Variants in RGPD1 observed in about 807,000 individuals in gnomAD.
RGPD1 encodes the protein RANBP2 like and GRIP domain containing 1, also known as RANBP2-like and GRIP domain-containing protein 1.
In RGPD1, 7 loss-of-function variants were observed where a neutral mutation model predicts 40.6. That is an observed-to-expected ratio of 0.17 (90% CI 0.10 to 0.32). The LOEUF is 0.32. RGPD1 is among the 10% of genes least tolerant of loss of function. RGPD1 has a pLI of 1.00. For synonymous variants in RGPD1, 24 were observed against 167.0 expected, an observed-to-expected ratio of 0.14 and a Z score of 6.60; for missense variants, 50 against 472.5, an observed-to-expected ratio of 0.11 and a Z score of 8.29.
At chr2:86,993,221 G>A (rs2674181) in intron 20 of RGPD1, among the ~76,000 whole-genome samples, 6 of 151,824 alleles carry the variant, frequency 4.0e-5, no homozygotes, top group Admixed American at 1.3e-4. Context: ...CAGACCTCCC[G>A]CTTCTAGACA....
intron 22 of RGPD1, among the ~76,000 whole-genome samples, chr2:87,008,989 T>A (rs1399471740): frequency 1.3e-5 from 2 of 148,720 alleles, no homozygotes; most frequent in Admixed American, 1.3e-4. Context: ...GGAGACTTTT[T>A]GGAAATACCA....
chr2:86,997,126 A>G (rs971984709), intron 21 of RGPD1, among the ~76,000 whole-genome samples: 3 of 148,896 alleles, frequency 2.0e-5, no homozygotes, highest in African/African-American at 7.7e-5. Context: ...GGACTGACTC[A>G]TTTCCACCTC....
chr2:86,927,107 T>A (rs1678566588), intron 1 of RGPD1, among the ~76,000 whole-genome samples: 1 of 152,166 alleles, frequency 6.6e-6, no homozygotes, highest in Non-Finnish European at 1.5e-5. Context: ...CCCACTTAAA[T>A]CAGTTTTAAT....
rs570295356 is a variant in RGPD1 at position 86,943,050 on chromosome 2, C to A, written c.72+742C>A. 3.8e-3 allele frequency among the ~76,000 whole-genome samples: 573 copies of A among 149,188 alleles called. 4 individuals are homozygous for A. The highest frequency in any genetic ancestry group is 0.013 in the African/African-American group (526 of 39,614). On this transcript the variant is annotated intron_variant, in intron 1 of 22. Transcript: ENST00000641458. ...TCCTGGACATTTACTTTATATGCTG[C>A]GGCGGAGGTCGTACCTCCTTGGCCT...
intron 17 of RGPD1, among the ~76,000 whole-genome samples, chr2:86,978,201 CAG>C (rs1681353795): frequency 1.0e-5 from 1 of 98,856 alleles, no homozygotes; most frequent in Non-Finnish European, 2.0e-5. Context: ...GCCAGGACTA[CAG>C]AGAGTCACAC....
intron 1 of RGPD1, among the ~76,000 whole-genome samples, chr2:86,944,618 G>A (rs1230877501): frequency 6.6e-6 from 1 of 152,066 alleles, no homozygotes; most frequent in Admixed American, 6.5e-5. Flanking sequence ...TCACCATGTT[G>A]CCCAGGCTGT....
rs1209758378 is a variant in RGPD1 at position 86,914,042 on chromosome 2, C to CCTGGCCG, written c.72+121_72+122insCTGGCCG. The CCTGGCCG allele has an allele frequency of 4.2e-5, 2 of 47,936 alleles. 1 individual carries two copies. Among genetic ancestry groups the CCTGGCCG allele is most frequent in the African/African-American group, 1.3e-4 (2 of 15,852 alleles). The allele number at this position is 47,936 out of a possible 1,614,324, so 3.0% of individuals were successfully genotyped here. A position where few individuals can be genotyped will look rare whatever the true frequency, so the allele number is the denominator to read the frequency against. On this transcript the variant is annotated intron_variant, in intron 1 of 22. Coordinates refer to the RGPD1 transcript ENST00000398193. Reference sequence around the variant, plus strand: ...CGGGCGGCGGCGGCGGCGGCGGCGGCGGCGGCGGCGGCGGCCTCGGCCTCG... The same window carrying CCTGGCCG: ...CGGGCGGCGGCGGCGGCGGCGGCGGCCTGGCCGGGCGGCGGCGGCGGCCTCGGCCTCG...
At chr2:86,929,388 C>T (rs192439824) in intron 1 of RGPD1, among the ~76,000 whole-genome samples, 7 of 152,108 alleles carry the variant, frequency 4.6e-5, no homozygotes, top group East Asian at 1.9e-4. Context: ...AACACAGTGG[C>T]CCTGCTTCAG....
chr2:86,932,265 A>G (rs1679046287), intron 1 of RGPD1, among the ~76,000 whole-genome samples: 1 of 99,694 alleles, frequency 1.0e-5, no homozygotes, highest in African/African-American at 3.9e-5. Flanking sequence ...TTAGTTAATT[A>G]AAAATTCATC....
chr2:86,918,383 G>C (rs1677877177), intron 1 of RGPD1, among the ~76,000 whole-genome samples: 1 of 145,664 alleles, frequency 6.9e-6, no homozygotes, highest in Non-Finnish European at 1.5e-5. Flanking sequence ...AATCACTCTA[G>C]ACTATAATTA....
At chr2:86,923,414 C>G (rs1678190099) in intron 1 of RGPD1, among the ~76,000 whole-genome samples, 1 of 151,482 alleles carries the variant, frequency 6.6e-6, no homozygotes, top group Non-Finnish European at 1.5e-5. Flanking sequence ...TGAAATACAT[C>G]TTGAGTTTAC....
rs1267089849 is a variant in RGPD1, at chr2:86,960,636, C to T, written c.779+2209C>T. 4.7e-5 allele frequency among the ~76,000 whole-genome samples: 6 copies of T among 126,768 alleles called. 2 individuals carry two copies. Among genetic ancestry groups the T allele is most frequent in the African/African-American group, 2.4e-4 (6 of 25,520 alleles). The allele number at this position is 126,768 out of a possible 152,430, so 83.2% of individuals were successfully genotyped here. ...ACGGAGTCTCGCTCTGTTGCCCAGG[C>T]TGGAGTGCAGTGGTGCCATCTCGGC... On this transcript the variant is annotated intron_variant, in intron 6 of 22. Transcript: ENST00000641458.
chr2:86,988,468 C>CA (rs1208500939), intron 20 of RGPD1, among the ~76,000 whole-genome samples: 10 of 61,366 alleles, frequency 1.6e-4, no homozygotes, highest in Admixed American at 4.2e-4. Context: ...AACAAAAAAA[C>CA]AAAAAAAACC....
At position 86,942,413 on chromosome 2, in the gene RGPD1, C is replaced by G. The variant is rs1166682347; in HGVS notation, c.72+105C>G. ...TGGCCGGGCGGCGGCCTCGATGGCT[C>G]AGGCGTCATGGCTCCCGACGGGCGC... On this transcript the variant is annotated intron_variant, in intron 1 of 22. Transcript: ENST00000641458. 4.9e-6 allele frequency: 6 copies of G among 1,223,506 alleles called. 1 individual carries two copies. Among genetic ancestry groups the G allele is most frequent in the African/African-American group, 1.6e-5 (1 of 62,240 alleles). 75.8% of individuals were successfully genotyped at this position (1,223,506 alleles called of 1,614,324 possible). A position where few individuals can be genotyped will look rare whatever the true frequency, so the allele number is the denominator to read the frequency against.
At chr2:86,934,384 CTGT>C (rs201672534) in intron 1 of RGPD1, 30,899 of 122,100 alleles carry the variant, frequency 0.25, 5,340 homozygotes, top group East Asian at 0.42. Context: ...TTCTCACTTT[CTGT>C]TGTTGTTGTT....
chr2:86,944,236 C>T (rs1680160061), intron 1 of RGPD1, among the ~76,000 whole-genome samples: 2 of 152,072 alleles, frequency 1.3e-5, no homozygotes, highest in Admixed American at 6.5e-5. Flanking sequence ...CTCTTGGGAA[C>T]AGTGGAGTAA....
intron 1 of RGPD1, among the ~76,000 whole-genome samples, chr2:86,934,210 AT>A (rs1305255774): frequency 1.5e-4 from 21 of 140,492 alleles, no homozygotes; most frequent in Admixed American, 1.0e-3. Flanking sequence ...AAATACAAAA[AT>A]TAGCTGGGTG....
At chr2:86,938,356 CAAA>C (rs1262620549), upstream of RGPD1, among the ~76,000 whole-genome samples, 1 of 118,586 alleles carries the variant, frequency 8.4e-6, no homozygotes, top group Non-Finnish European at 1.7e-5. Context: ...CAGAAAATCA[CAAA>C]AACTCATGTC....
At chr2:86,945,434 A>G (rs893102467) in intron 1 of RGPD1, among the ~76,000 whole-genome samples, 4 of 152,188 alleles carry the variant, frequency 2.6e-5, no homozygotes, top group African/African-American at 7.2e-5. Flanking sequence ...TGAAGAATAT[A>G]AAGAGGTTAA....
Sources: allele counts gnomAD v4.1 joint callset (sites outside exome capture counted in the v4.1 genomes callset), GRCh38; gene constraint gnomAD v4.1.1; transcripts MANE v1.5; gene names NCBI Gene and HGNC (gene_info 2026-07-23, HGNC 2026-07-21).